Variants in TAF4B observed in about 807,000 individuals in gnomAD.
The protein encoded by TAF4B is TATA-box binding protein associated factor 4b.
TAF4B carries 38 observed loss-of-function variants against 86.4 expected under a neutral mutation model. The ratio of observed to expected loss-of-function variants is 0.44; its 90% CI spans 0.34 to 0.58. TAF4B has a LOEUF of 0.58. Ranked by LOEUF, TAF4B falls within the 20% of genes least tolerant of loss-of-function variation. TAF4B has a pLI of 0.02. For synonymous variants in TAF4B, 388 were observed against 391.2 expected (o/e 0.99, Z 0.10); for missense variants, 988 against 1,027.6 (o/e 0.96, Z 0.53).
intron 9 of TAF4B, among the ~76,000 whole-genome samples, chr18:26,294,074 T>C (rs1355732089): frequency 5.3e-5 from 8 of 152,190 alleles, no homozygotes; most frequent in African/African-American, 1.7e-4. Flanking sequence ...TTCCAGTTTT[T>C]CTGATGATTA....
At position 26,346,891 on chromosome 18, in the gene TAF4B, ATATATATATG is replaced by A. The variant is rs1319087237; in HGVS notation, c.2317-10797_2317-10788del. 1.6e-3 allele frequency among the ~76,000 whole-genome samples: 24 copies of A among 14,632 alleles called. 4 individuals are homozygous for A. Among genetic ancestry groups the A allele is most frequent in the African/African-American group, 3.5e-3 (21 of 5,974 alleles). 9.6% of individuals were successfully genotyped at this position (14,632 alleles called of 152,430 possible). ...TATATATATGTGTATATATATATAT[ATATATATATG>A]TGTGTGTATATATATATATATAGTT... On this transcript the variant is annotated intron_variant, in intron 13 of 14. Transcript: ENST00000269142.
intron 1 of TAF4B, among the ~76,000 whole-genome samples, chr18:26,236,924 G>A (rs964728199): frequency 6.7e-6 from 1 of 149,520 alleles, no homozygotes; most frequent in African/African-American, 2.5e-5. Flanking sequence ...CAAGGGTGTC[G>A]GGTGACAGGG....
chr18:26,375,985 C>G (rs2057440102), intron 14 of TAF4B, among the ~76,000 whole-genome samples: 1 of 152,042 alleles, frequency 6.6e-6, no homozygotes, highest in South Asian at 2.1e-4. Flanking sequence ...TGTATGATCT[C>G]AACAGCCTTG....
At chr18:26,273,746 C>G (rs1322605148) in intron 3 of TAF4B, among the ~76,000 whole-genome samples, 1 of 152,150 alleles carries the variant, frequency 6.6e-6, no homozygotes, top group African/African-American at 2.4e-5. Context: ...ATATTCCAGT[C>G]TCTCTAATGT....
intron 13 of TAF4B, among the ~76,000 whole-genome samples, chr18:26,339,185 G>A (rs1041792326): frequency 2.0e-5 from 3 of 151,676 alleles, no homozygotes; most frequent in East Asian, 1.9e-4. Flanking sequence ...TCTTTTTCTC[G>A]CTATTATAAC....
At chr18:26,363,399 G>C (rs1322964343) in intron 14 of TAF4B, among the ~76,000 whole-genome samples, 5 of 113,348 alleles carry the variant, frequency 4.4e-5, no homozygotes, top group Non-Finnish European at 8.7e-5. Flanking sequence ...AAAAAAAAAA[G>C]GCAGCGCGTG....
intron 13 of TAF4B, among the ~76,000 whole-genome samples, chr18:26,341,273 A>G (rs1284512521): frequency 9.2e-5 from 14 of 152,150 alleles, no homozygotes; most frequent in Admixed American, 2.0e-4. Flanking sequence ...AAGGCGAGGC[A>G]TAAAAGAAAA....
intron 14 of TAF4B, among the ~76,000 whole-genome samples, chr18:26,361,868 A>G (rs2057334931): frequency 6.6e-6 from 1 of 151,828 alleles, no homozygotes; most frequent in Admixed American, 6.6e-5. Flanking sequence ...TTTTTGGTCC[A>G]TTTGTATATG....
chr18:26,267,360 T>G (rs1002874227), intron 2 of TAF4B, 156 bp from the exon 3 acceptor site: 1 of 519,658 alleles, frequency 1.9e-6, no homozygotes, highest in Non-Finnish European at 3.4e-6. Context: ...CCAGTTAGGT[T>G]TATAGTATAG....
At chr18:26,257,261 A>C (rs1722829249) in intron 1 of TAF4B, among the ~76,000 whole-genome samples, 2 of 152,032 alleles carry the variant, frequency 1.3e-5, no homozygotes, top group Admixed American at 1.3e-4. Context: ...TCTGTGTGTG[A>C]GGTATATGTG....
chr18:26,379,237 T>C (rs2057462192), intron 14 of TAF4B, among the ~76,000 whole-genome samples: 1 of 152,158 alleles, frequency 6.6e-6, no homozygotes, highest in South Asian at 2.1e-4. Context: ...CATTGTCTTC[T>C]TTTATAATTA....
intron 13 of TAF4B, among the ~76,000 whole-genome samples, chr18:26,354,117 C>A (rs2057267242): frequency 6.6e-6 from 1 of 152,114 alleles, no homozygotes; most frequent in Non-Finnish European, 1.5e-5. Context: ...ACTCTGTTGC[C>A]CAAGCTGGAG....
intron 14 of TAF4B, among the ~76,000 whole-genome samples, chr18:26,376,401 A>AT (rs2057443390): frequency 6.6e-6 from 1 of 151,806 alleles, no homozygotes; most frequent in Non-Finnish European, 1.5e-5. Flanking sequence ...CACTAGTTAA[A>AT]TTTTTTCCTA....
chr18:26,316,433 C>T (rs1311848560), intron 10 of TAF4B, among the ~76,000 whole-genome samples: 2 of 151,952 alleles, frequency 1.3e-5, no homozygotes, highest in African/African-American at 4.8e-5. Flanking sequence ...CTCTGTCACC[C>T]AGGCTGGAGT....
rs995390362 is a variant in TAF4B at position 26,333,884 on chromosome 18, A to G, written c.2260-1291A>G. Among the ~76,000 whole-genome samples, 32 of 152,280 alleles carry G rather than the reference A, an allele frequency of 2.1e-4. 3 individuals carry two copies. In the South Asian group the frequency reaches 3.7e-3, roughly 18 times the overall value. ...TATATCATCTGTCTCCAAAGGCTAG[A>G]ACAGTAGCACACAGAGTAGAATCTG... On this transcript the variant is annotated intron_variant, in intron 12 of 14. Coordinates refer to ENST00000269142, the MANE Select transcript of TAF4B (RefSeq NM_005640.3).
intron 1 of TAF4B, among the ~76,000 whole-genome samples, chr18:26,245,159 A>G (rs1429719774): frequency 6.6e-6 from 1 of 152,074 alleles, no homozygotes; most frequent in Non-Finnish European, 1.5e-5. Context: ...GGTGCCCAGT[A>G]TTTAGCCCCC....
chr18:26,355,317 G>A (rs1486511321), intron 13 of TAF4B, among the ~76,000 whole-genome samples: 2 of 152,056 alleles, frequency 1.3e-5, no homozygotes, highest in African/African-American at 2.4e-5. Context: ...ACAGATAATC[G>A]TATCATTTGC....
At chr18:26,232,306 C>T (rs561910457) in intron 1 of TAF4B, among the ~76,000 whole-genome samples, 7 of 152,008 alleles carry the variant, frequency 4.6e-5, no homozygotes, top group African/African-American at 9.7e-5. Context: ...TGGATAGGGG[C>T]GAAGAAGGGG....
chr18:26,231,342 GGGGTTTTTT>G (rs1462377036), intron 1 of TAF4B, among the ~76,000 whole-genome samples: 8 of 30,926 alleles, frequency 2.6e-4, no homozygotes, highest in South Asian at 2.4e-3. Context: ...CCAGCTGCTT[GGGGTTTTTT>G]TTTTTTTTTT....
Sources: allele counts gnomAD v4.1 joint callset (sites outside exome capture counted in the v4.1 genomes callset), GRCh38; gene constraint gnomAD v4.1.1; transcripts MANE v1.5; gene names NCBI Gene and HGNC (gene_info 2026-07-23, HGNC 2026-07-21).